The following VDR variants were observed in gnomAD, a reference collection of about 807,000 sequenced individuals.
VDR encodes the protein vitamin D3 receptor.
VDR carries 19 observed loss-of-function variants against 39.7 expected under a neutral mutation model. The observed-to-expected ratio is 0.48, with a 90% confidence interval of 0.33 to 0.70. VDR has a LOEUF of 0.70. Ranked by LOEUF, VDR falls within the 30% of genes least tolerant of loss-of-function variation. The probability of loss-of-function intolerance (pLI) is 0.02; values close to 1 mark genes in which losing one functional copy is unlikely to be tolerated. For synonymous variants in VDR, 242 were observed against 215.8 expected (o/e 1.12, Z -1.07); for missense variants, 442 against 570.5 (o/e 0.77, Z 2.29).
intron 1 of VDR, chr12:47,904,664 A>C (rs1308767658): frequency 9.8e-6 from 15 of 1,526,682 alleles, no homozygotes; most frequent in Middle Eastern, 1.7e-4. Flanking sequence ...GGAAACAAAT[A>C]CTTCTTGTTG....
At chr12:47,856,455 T>C (rs1006060528) in intron 6 of VDR, among the ~76,000 whole-genome samples, 16 of 151,910 alleles carry the variant, frequency 1.1e-4, no homozygotes, top group Admixed American at 2.0e-4. Flanking sequence ...TATCCAATGG[T>C]AGGGGATTAG....
rs776847875 is a variant in VDR, at chr12:47,879,092, T to C, written c.22A>G (p.Thr8Ala). The change falls in exon 3 of 10, where the codon ACT becomes GCT. Residue 8 changes from threonine to alanine, a missense_variant. Physicochemically the swap from Thr to Ala is moderately conservative, Grantham distance 58 (BLOSUM62 0). Around this residue, in one of 5 missense-constraint regions of VDR, gnomAD observed 141 missense variants for 141.3 expected, o/e 1.00. Coordinates refer to ENST00000549336, the MANE Select transcript of VDR (RefSeq NM_000376.3). MEAMAAS[T>A]SLPDPGDFDR... is the part of the protein sequence containing the mutation. The stretch of plus-strand genomic sequence containing the variant: ...AAGTCTCCAGGGTCAGGCAGGGAAG[T>C]GCTGGCCGCCATTGCCTCCATCCCT... 2 of 1,614,016 alleles carry C rather than the reference T, an allele frequency of 1.2e-6. No individual in the cohort carries two copies. Among genetic ancestry groups the C allele is most frequent in the South Asian group, 1.1e-5 (1 of 91,082 alleles).
rs369248365 is a variant in VDR, at chr12:47,865,125, G to A, written c.199C>T (p.Arg67Cys). 9.5e-5 allele frequency: 154 copies of A among 1,613,734 alleles called. No individual in the cohort carries two copies. The highest frequency in any genetic ancestry group is 1.2e-4 in the Non-Finnish European group (140 of 1,179,778). ...TGGCGTCGGTTGTCCTTGGTGATGC[G>A]GCAGTCCCCGTTGAAGGGGCAGGTG... The part of the protein sequence containing the change: ...LFTCPFNGDC[R>C]ITKDNRRHCQ... The change falls in exon 4 of 10, where the codon CGC (arginine) becomes TGC (cysteine). Residue 67 changes from arginine to cysteine, a missense_variant. Physicochemically the swap from Arg to Cys is radical, Grantham distance 180. Around this residue, in one of 5 missense-constraint regions of VDR, gnomAD observed 141 missense variants for 141.3 expected, o/e 1.00. Coordinates refer to ENST00000549336, the MANE Select transcript of VDR (RefSeq NM_000376.3).
chr12:47,868,155 G>T (rs1015989640), intron 3 of VDR, among the ~76,000 whole-genome samples: 2 of 152,254 alleles, frequency 1.3e-5, no homozygotes, highest in East Asian at 3.8e-4. Context: ...TAGCTTCCTG[G>T]ATTGTTTTCA....
At chr12:47,871,530 C>G (rs567088973) in intron 3 of VDR, among the ~76,000 whole-genome samples, 7 of 148,538 alleles carry the variant, frequency 4.7e-5, no homozygotes, top group Non-Finnish European at 1.0e-4. Flanking sequence ...GCAGCACGAT[C>G]TGGGCTCACT....
chr12:47,882,937 C>T (rs1391038071), intron 1 of VDR, 163 bp from the exon 2 acceptor site: 1 of 569,362 alleles, frequency 1.8e-6, no homozygotes, highest in Non-Finnish European at 3.0e-6. Context: ...CATGTCATCG[C>T]TGGCAGGGGT....
chr12:47,864,414 A>G (rs1412084611), intron 4 of VDR, among the ~76,000 whole-genome samples: 1 of 152,206 alleles, frequency 6.6e-6, no homozygotes, highest in Non-Finnish European at 1.5e-5. Flanking sequence ...CTCTTTCTCC[A>G]TCTGGATTCA....
chr12:47,904,694 G>C (rs1022967365), intron 1 of VDR: 1 of 1,485,606 alleles, frequency 6.7e-7, no homozygotes, highest in East Asian at 2.5e-5. Flanking sequence ...TAAGCACTGT[G>C]TTAGCGGAGC....
intron 7 of VDR, among the ~76,000 whole-genome samples, chr12:47,850,317 A>G (rs1449018076): frequency 6.6e-6 from 1 of 152,250 alleles, no homozygotes; most frequent in Admixed American, 6.5e-5. Flanking sequence ...ATGTTACATC[A>G]TAACAGTATA....
At chr12:47,904,500 C>T (rs1253350887) in intron 1 of VDR, 1 of 972,400 alleles carries the variant, frequency 1.0e-6, no homozygotes, top group Non-Finnish European at 1.4e-6. Flanking sequence ...ACTTAAAAGA[C>T]CCAACTCCAC....
chr12:47,845,152 GC>G, intron 9 of VDR, 147 bp from the exon 10 acceptor site: 1 of 1,306,468 alleles, frequency 7.7e-7, no homozygotes, highest in South Asian at 1.3e-5. Flanking sequence ...TGATACCACT[GC>G]CTGGCCCCAA....
At chr12:47,877,324 C>T (rs1255812832) in intron 3 of VDR, among the ~76,000 whole-genome samples, 1 of 152,160 alleles carries the variant, frequency 6.6e-6, no homozygotes, top group Non-Finnish European at 1.5e-5. Context: ...TGAAGGGCAG[C>T]AGTGGTGACC....
At chr12:47,846,572 T>C in intron 8 of VDR, 85 bp downstream of exon 8, 3 of 1,591,322 alleles carry the variant, frequency 1.9e-6, no homozygotes, top group Non-Finnish European at 2.6e-6. Flanking sequence ...CTCCCATGTA[T>C]CTGATTGGAG....
At chr12:47,901,789 G>T (rs1425972123) in intron 1 of VDR, among the ~76,000 whole-genome samples, 1 of 152,188 alleles carries the variant, frequency 6.6e-6, no homozygotes, top group African/African-American at 2.4e-5. Context: ...TTCCCCAGGG[G>T]AAGCTGAAGA....
intron 2 of VDR, among the ~76,000 whole-genome samples, chr12:47,881,082 T>C (rs1252781621): frequency 2.1e-5 from 3 of 140,736 alleles, no homozygotes; most frequent in Non-Finnish European, 4.6e-5. Flanking sequence ...ATAAAGAAAA[T>C]ACAGTATATG....
intron 1 of VDR, among the ~76,000 whole-genome samples, chr12:47,892,711 G>A (rs550878188): frequency 2.6e-4 from 40 of 152,254 alleles, no homozygotes; most frequent in Admixed American, 1.6e-3. Context: ...AGTCTACCGC[G>A]GGTTGGGGGG....
In VDR at chr12:47,879,166, C is replaced by T. The variant is rs17885398; in HGVS notation, c.-2-51G>A. 26,687 of 1,590,984 alleles carry T rather than the reference C, an allele frequency of 0.017. 285 individuals carry two copies. Among genetic ancestry groups the T allele is most frequent in the Non-Finnish European group, 0.019 (22,537 of 1,168,262 alleles). ...GTCAGAGCCAGAGTCAGTGCCAGGGCCAGCTGGCATCCTTGGTGCCACCCA... is the reference window on the plus strand; with the variant it reads ...GTCAGAGCCAGAGTCAGTGCCAGGGTCAGCTGGCATCCTTGGTGCCACCCA... On this transcript the variant is annotated intron_variant, in intron 2 of 9. Transcript: ENST00000549336.
At position 47,875,194 on chromosome 12, in the gene VDR, T is replaced by C. The variant is rs538787320; in HGVS notation, c.146+3774A>G. Among the ~76,000 whole-genome samples the C allele has an allele frequency of 7.9e-5, 12 of 152,344 alleles. No individual in the cohort carries two copies. The South Asian group carries it at 2.3e-3, about 29-fold the overall frequency. ...TTCAGCTAGATTATGAGTCTTAGAC[T>C]CGTTTTGATGATAACAACTAGCTCC... On this transcript the variant is annotated intron_variant, in intron 3 of 9. Coordinates refer to ENST00000549336, the MANE Select transcript of VDR (RefSeq NM_000376.3).
rs1592093474 is a variant in VDR, at chr12:47,844,718, A to C, written c.*28T>G. The C allele has an allele frequency of 1.9e-6, 3 of 1,613,308 alleles. No individual in the cohort carries two copies. Among genetic ancestry groups the C allele is most frequent in the Non-Finnish European group, 2.5e-6 (3 of 1,179,768 alleles). ...CACGTGGCCCTGGAGGAGCAGCCCC[A>C]CCCAGGCACCGCCACAGGCTGTCCT... On this transcript the variant is annotated 3_prime_UTR_variant, in exon 10 of 10. Coordinates refer to ENST00000549336, the MANE Select transcript of VDR (RefSeq NM_000376.3).
Sources: gnomAD v4.1 joint callset for allele counts (sites outside exome capture counted in the v4.1 genomes callset) on GRCh38, gnomAD v4.1.1 for gene constraint, gnomAD v4.1.1 regional missense constraint, MANE v1.5 for transcripts, NCBI Gene and HGNC (gene_info 2026-07-23, HGNC 2026-07-21) for gene names.